The following ATP6V1E1 variants were observed in gnomAD, a reference collection of about 807,000 sequenced individuals.
ATP6V1E1 encodes the protein ATPase H+ transporting V1 subunit E1.
Under a neutral mutation model 35.2 loss-of-function variants are expected in ATP6V1E1, and 21 were observed. The observed-to-expected ratio is 0.60, with a 90% CI of 0.42 to 0.86. ATP6V1E1 has a LOEUF of 0.86. Among genes scored for constraint, ATP6V1E1 ranks in the 40% least tolerant of loss-of-function variants. ATP6V1E1 has a pLI of 0.00. For missense variants in ATP6V1E1, 183 were observed against 272.6 expected (o/e 0.67, Z 2.32); for synonymous variants, 83 against 87.8 (o/e 0.95, Z 0.30).
intron 4 of ATP6V1E1, among the ~76,000 whole-genome samples, chr22:17,606,345 C>T (rs142492323): frequency 1.3e-5 from 2 of 150,562 alleles, no homozygotes; most frequent in Admixed American, 1.3e-4. Context: ...ATAGCAAAAT[C>T]CACTCAAAGC....
At chr22:17,603,472 T>C (rs1235260928) in intron 4 of ATP6V1E1, among the ~76,000 whole-genome samples, 1 of 152,070 alleles carries the variant, frequency 6.6e-6, no homozygotes, top group Non-Finnish European at 1.5e-5. Flanking sequence ...ATGATAATCA[T>C]ACCACTGCAC....
chr22:17,605,438 G>A (rs1391466707), intron 4 of ATP6V1E1, among the ~76,000 whole-genome samples: 1 of 151,946 alleles, frequency 6.6e-6, no homozygotes, highest in Non-Finnish European at 1.5e-5. Context: ...GCTGAGGCAG[G>A]AGAATCACTT....
At chr22:17,595,520 T>A (rs913733324) in intron 7 of ATP6V1E1, among the ~76,000 whole-genome samples, 1 of 152,198 alleles carries the variant, frequency 6.6e-6, no homozygotes, top group Non-Finnish European at 1.5e-5. Flanking sequence ...CACGACTGCA[T>A]GTGTGTCTGA....
chr22:17,610,028 G>A (rs1012713190), intron 4 of ATP6V1E1, among the ~76,000 whole-genome samples: 1 of 152,082 alleles, frequency 6.6e-6, no homozygotes, highest in African/African-American at 2.4e-5. Flanking sequence ...CTACATAGGA[G>A]GCTGAGGTGG....
At chr22:17,596,108 G>A (rs1601369717) in intron 7 of ATP6V1E1, among the ~76,000 whole-genome samples, 1 of 151,438 alleles carries the variant, frequency 6.6e-6, no homozygotes, top group African/African-American at 2.5e-5. Flanking sequence ...CTCCAGCCTG[G>A]GTGAGAGTGA....
chr22:17,600,909 A>G, intron 5 of ATP6V1E1, 183 bp downstream of exon 5: 3 of 456,372 alleles, frequency 6.6e-6, no homozygotes, highest in Non-Finnish European at 1.2e-5. Flanking sequence ...CTATTTTCCT[A>G]TGCAGCACAC....
At chr22:17,623,649 T>G (rs2057889223) in intron 1 of ATP6V1E1, among the ~76,000 whole-genome samples, 4 of 145,802 alleles carry the variant, frequency 2.7e-5, no homozygotes, top group Admixed American at 1.4e-4. Flanking sequence ...AGAGCAAGAC[T>G]CTGTCTCAAA....
At chr22:17,612,066 T>C (rs1192216245) in intron 4 of ATP6V1E1, among the ~76,000 whole-genome samples, 1 of 152,224 alleles carries the variant, frequency 6.6e-6, no homozygotes, top group Non-Finnish European at 1.5e-5. Context: ...GCCAGTCACA[T>C]TGCTGGATTA....
At chr22:17,610,387 C>T (rs1345251895) in intron 4 of ATP6V1E1, among the ~76,000 whole-genome samples, 1 of 152,012 alleles carries the variant, frequency 6.6e-6, no homozygotes, top group Admixed American at 6.6e-5. Flanking sequence ...TATGAAAGGT[C>T]GGTATACCAT....
At position 17,613,285 on chromosome 22, in the gene ATP6V1E1, A is replaced by C; in HGVS notation, c.135T>G (p.Leu45=). 6.2e-7 allele frequency: 1 copy of C among 1,613,856 alleles called. No individual in the cohort carries two copies. Among genetic ancestry groups the C allele is most frequent in the South Asian group, 1.1e-5 (1 of 90,988 alleles). ...EEEFNIEKGR[L]VQTQRLKIME... ...TAATCTTTAGTCTTTGGGTTTGCAC[A>C]AGCCGACCTTTCTCTATGTTGAACT... Residue 45 remains leucine (L), a synonymous_variant, in exon 3 of 9, where the codon CTT becomes CTG. Transcript: ENST00000253413.
intron 2 of ATP6V1E1, among the ~76,000 whole-genome samples, chr22:17,616,277 G>A (rs1402396130): frequency 6.6e-6 from 1 of 152,216 alleles, no homozygotes; most frequent in Non-Finnish European, 1.5e-5. Flanking sequence ...GAACCCAGGA[G>A]GTGGGGGTTG....
At chr22:17,598,371 G>T in intron 6 of ATP6V1E1, 83 bp from the exon 7 acceptor site, 1 of 1,070,206 alleles carries the variant, frequency 9.3e-7, no homozygotes, top group Non-Finnish European at 1.4e-6. Flanking sequence ...TACAAGCAAG[G>T]ATACCTCCAT....
intron 2 of ATP6V1E1, chr22:17,619,010 G>A (rs1568892841): frequency 4.4e-6 from 2 of 452,902 alleles, no homozygotes; most frequent in Non-Finnish European, 8.8e-6. Context: ...AATGAAAGAA[G>A]GGGCCAGGCA....
At chr22:17,619,560 A>G (rs1248959637) in intron 1 of ATP6V1E1, 34 bp from the exon 2 acceptor site, 7 of 1,475,758 alleles carry the variant, frequency 4.7e-6, no homozygotes, top group Non-Finnish European at 6.5e-6. Context: ...TTTTAGTTCA[A>G]AAATATGGAA....
chr22:17,620,146 CTTTG>C (rs1467195144), intron 1 of ATP6V1E1, among the ~76,000 whole-genome samples: 2 of 143,938 alleles, frequency 1.4e-5, no homozygotes, highest in East Asian at 2.0e-4. Context: ...GCAACCTTCC[CTTTG>C]TTTTTTTTTT....
At chr22:17,618,597 G>T (rs1568892564) in intron 2 of ATP6V1E1, among the ~76,000 whole-genome samples, 2 of 150,974 alleles carry the variant, frequency 1.3e-5, no homozygotes, top group African/African-American at 2.4e-5. Flanking sequence ...CAAGAGAACG[G>T]TGTGAACCTG....
At chr22:17,607,797 C>A (rs2057793795) in intron 4 of ATP6V1E1, among the ~76,000 whole-genome samples, 1 of 152,300 alleles carries the variant, frequency 6.6e-6, no homozygotes, top group South Asian at 2.1e-4. Flanking sequence ...ATAAAAGTCT[C>A]TGGAAATGGG....
chr22:17,613,334 A>G lies in ATP6V1E1; in HGVS notation c.100-14T>C. 1.2e-6 allele frequency: 2 copies of G among 1,602,402 alleles called. No homozygotes were observed. The highest frequency in any genetic ancestry group is 1.7e-6 in the Non-Finnish European group (2 of 1,169,776). ...CTCTTCTTCTGCCTAGAGGGAAATT[A>G]GTCAATATTAATTCATTACATCAAG... On this transcript the variant is annotated splice_polypyrimidine_tract_variant and intron_variant, in intron 2 of 8. Transcript: ENST00000253413.
intron 8 of ATP6V1E1, among the ~76,000 whole-genome samples, chr22:17,593,932 G>A (rs1185697451): frequency 6.6e-6 from 1 of 152,122 alleles, no homozygotes; most frequent in African/African-American, 2.4e-5. Flanking sequence ...TCTGAGCACG[G>A]TGGCTCACAC....
Sources: allele counts gnomAD v4.1 joint callset (sites outside exome capture counted in the v4.1 genomes callset), GRCh38; gene constraint gnomAD v4.1.1; transcripts MANE v1.5; gene names NCBI Gene and HGNC (gene_info 2026-07-23, HGNC 2026-07-21).